ZNF574: variants seen among roughly 807,000 people sequenced by gnomAD.
The protein encoded by ZNF574 is zinc finger protein 574.
A neutral mutation model predicts 56.6 loss-of-function variants in ZNF574; 25 were observed. That is an observed-to-expected ratio of 0.44 (90% CI 0.32 to 0.62). The LOEUF is 0.62. Ranked by LOEUF, ZNF574 falls within the 20% of genes least tolerant of loss-of-function variation. The pLI, the probability that ZNF574 is intolerant of heterozygous loss-of-function variation, is 0.04. For missense variants in ZNF574, 1,065 were observed against 1,218.9 expected (o/e 0.87, Z 1.88); for synonymous variants, 543 against 492.1 (o/e 1.10, Z -1.37).
At chr19:42,075,479 A>G (rs1315934815), upstream of ZNF574, among the ~76,000 whole-genome samples, 1 of 151,904 alleles carries the variant, frequency 6.6e-6, no homozygotes, top group African/African-American at 2.4e-5. Context: ...TGCTTCCCCT[A>G]TGACATTTCT....
At chr19:42,068,709 G>A (rs1471296931) in exon 1 of ZNF574, 1 of 492,146 alleles carries the variant, frequency 2.0e-6, no homozygotes, top group East Asian at 3.4e-5. Context: ...TCTAAACAGA[G>A]ACATGCCGAG....
At chr19:42,071,359 C>T (rs1281501748), upstream of ZNF574, among the ~76,000 whole-genome samples, 2 of 152,062 alleles carry the variant, frequency 1.3e-5, no homozygotes, top group Non-Finnish European at 2.9e-5. Context: ...CCGTGACTCA[C>T]CACCACCCCC....
In ZNF574 at chr19:42,079,959, T is replaced by C; in HGVS notation, c.1353T>C (p.Pro451=). The change falls in exon 2 of 2, where the codon CCT becomes CCC. Residue 451 remains proline, a synonymous_variant. Transcript: ENST00000359044. The surrounding 1 kb of genome is among the most constrained non-coding windows in gnomAD (Gnocchi z 4.3). ...GAGAGCCAGAGGCCCCTGAGCCCCC[T>C]GTGTCTGAGGAGACCTCAGCAGGGC... The part of the protein sequence containing the change: ...ETGEPEAPEP[P]VSEETSAGPA... 2.5e-6 allele frequency: 4 copies of C among 1,613,826 alleles called. No individual in the cohort carries two copies. The highest frequency in any genetic ancestry group is 3.4e-6 in the Non-Finnish European group (4 of 1,180,010).
In ZNF574 at chr19:42,079,647, C is replaced by G; in HGVS notation, c.1041C>G (p.Ser347Arg). The change falls in exon 2 of 2, where the codon AGC (serine) becomes AGG (arginine). Residue 347 changes from serine to arginine, a missense_variant. Ser to Arg is a moderately radical substitution (Grantham distance 110, BLOSUM62 -1). Transcript: ENST00000359044. The surrounding 1 kb of genome is among the most constrained non-coding windows in gnomAD (Gnocchi z 4.3). ...KCPLCSRVFP[S>R]PSSLDQHLGD... ...CCCTGTGCAGTCGTGTCTTCCCTAG[C>G]CCTTCCAGTCTGGACCAGCACCTTG... 1 of 1,614,068 alleles carries G rather than the reference C, an allele frequency of 6.2e-7. No homozygotes were observed. The highest frequency in any genetic ancestry group is 8.5e-7 in the Non-Finnish European group (1 of 1,180,004).
intron 1 of ZNF574, among the ~76,000 whole-genome samples, chr19:42,069,658 G>C (rs1008019441): frequency 6.7e-6 from 1 of 149,356 alleles, no homozygotes; most frequent in Non-Finnish European, 1.5e-5. Context: ...GGCCTGGGGG[G>C]GCCACAGGGG....
chr19:42,075,540 G>A (rs2076449292), upstream of ZNF574, among the ~76,000 whole-genome samples: 1 of 152,038 alleles, frequency 6.6e-6, no homozygotes, highest in Admixed American at 6.6e-5. Context: ...GTTTCTTCCT[G>A]TTGCCTTCAT....
intron 1 of ZNF574, chr19:42,071,023 T>A (rs1020907674): frequency 1.3e-5 from 2 of 152,280 alleles, no homozygotes; most frequent in African/African-American, 4.8e-5. Flanking sequence ...GTGGTGAGTA[T>A]GAGAATTCCC....
Position 42,080,162 on chromosome 19 carries a change from G to C in ZNF574, c.1556G>C (p.Gly519Ala), listed in dbSNP as rs1259884241. ...CGTAACCACCTGCGCACACACACAG[G>C]GGAGCGGCCCTTCCCCTGCCCTGAC... ...HVRNHLRTHT[G>A]ERPFPCPDCS... Residue 519 changes from glycine to alanine, a missense_variant, in exon 2 of 2, where the codon GGG becomes GCG. Transcript: ENST00000359044. This position sits in a 1 kb window ranked among gnomAD's most constrained non-coding sequence, Gnocchi z 8.5. 1 of 1,614,008 alleles carries C rather than the reference G, an allele frequency of 6.2e-7. No homozygotes were observed. The highest frequency in any genetic ancestry group is 8.5e-7 in the Non-Finnish European group (1 of 1,180,038).
chr19:42,071,395 T>C (rs1222401701), upstream of ZNF574, among the ~76,000 whole-genome samples: 1 of 152,054 alleles, frequency 6.6e-6, no homozygotes, highest in Non-Finnish European at 1.5e-5. Flanking sequence ...GAGGAGACAC[T>C]GACACACTCA....
chr19:42,078,827 G>A lies in ZNF574; in HGVS notation c.221G>A (p.Ser74Asn). Residue 74 changes from serine to asparagine, a missense_variant, in exon 2 of 2, where the codon AGC becomes AAC. By Grantham distance (46) the Ser-to-Asn change is conservative. Transcript: ENST00000359044. ...TGLYQTLVQE[S>N]QYQCLECGQL... ...CTCTATCAGACCCTTGTGCAGGAGA[G>A]CCAGTACCAGTGCCTGGAGTGTGGT... 6.2e-7 allele frequency: 1 copy of A among 1,614,086 alleles called. No individual in the cohort carries two copies. The highest frequency in any genetic ancestry group is 1.1e-5 in the South Asian group (1 of 91,082).
rs150085337 is a variant in ZNF574, at chr19:42,079,287, G to T, written c.681G>T (p.Ala227=). The T allele has an allele frequency of 6.2e-7, 1 of 1,613,950 alleles. No homozygotes were observed. The highest frequency in any genetic ancestry group is 1.7e-5 in the Admixed American group (1 of 60,014). ...SECSQLFQLP[A]DFLEHQATHF... is the part of the protein sequence containing the mutation. ...GCTCCCAGCTCTTCCAGCTGCCGGCGGATTTCCTGGAGCACCAGGCCACTC... is the reference window on the plus strand; with the variant it reads ...GCTCCCAGCTCTTCCAGCTGCCGGCTGATTTCCTGGAGCACCAGGCCACTC... The change falls in exon 2 of 2, where the codon GCG becomes GCT. Residue 227 remains alanine (A), a synonymous_variant. Coordinates refer to ENST00000359044, the MANE Select transcript of ZNF574 (RefSeq NM_022752.6). The surrounding 1 kb of genome is among the most constrained non-coding windows in gnomAD (Gnocchi z 4.3).
chr19:42,069,618 AG>A (rs1243406053), intron 1 of ZNF574: 1 of 140,152 alleles, frequency 7.1e-6, no homozygotes, highest in Non-Finnish European at 1.5e-5. Flanking sequence ...GGCCCAGGAA[AG>A]GGCCCCCGCC....
upstream of ZNF574, among the ~76,000 whole-genome samples, chr19:42,073,523 T>TA (rs1285796547): frequency 0.1 from 10,681 of 102,636 alleles, 478 homozygotes; most frequent in African/African-American, 0.14. Context: ...CCTATCTCTA[T>TA]AAAAAAAAAA....
chr19:42,076,644 G>A (rs894944939), intron 1 of ZNF574, among the ~76,000 whole-genome samples: 7 of 152,338 alleles, frequency 4.6e-5, no homozygotes, highest in Non-Finnish European at 8.8e-5. Context: ...AGTCCAGGAC[G>A]AAGGGGCTGG....
At position 42,081,375 on chromosome 19, in the gene ZNF574, T is replaced by TA; in HGVS notation, c.*79dup. On this transcript the variant is annotated 3_prime_UTR_variant, in exon 2 of 2. Transcript: ENST00000359044. The stretch of plus-strand genomic sequence containing the variant: ...CAGCATCCCCTTAAGCATCTGTACA[T>TA]ACTGTGTCCCTTCCTCTTCCCATCC... The TA allele has an allele frequency of 1.3e-6, 2 of 1,554,788 alleles. No homozygotes were observed. Among genetic ancestry groups the TA allele is most frequent in the South Asian group, 2.2e-5 (2 of 89,300 alleles).
chr19:42,079,341 G>C lies in ZNF574; in HGVS notation c.735G>C (p.Gln245His), dbSNP rs11668239. 1.7e-5 allele frequency: 27 copies of C among 1,613,440 alleles called. No homozygotes were observed. Among genetic ancestry groups the C allele is most frequent in the Non-Finnish European group, 2.2e-5 (26 of 1,179,672 alleles). ...TCCCTGCTCCTGTACCCGAGTCTCA[G>C]GAGCCTGCCTTACAGCAGGAGGTGC... ...THFPAPVPES[Q>H]EPALQQEVQA... The change falls in exon 2 of 2, where the codon CAG becomes CAC. Residue 245 changes from glutamine (Q) to histidine (H), a missense_variant. Physicochemically the swap from Gln to His is conservative, Grantham distance 24 (BLOSUM62 0). Coordinates refer to ENST00000359044, the MANE Select transcript of ZNF574 (RefSeq NM_022752.6). The surrounding 1 kb of genome is among the most constrained non-coding windows in gnomAD (Gnocchi z 4.3).
rs1361968713 is a variant in ZNF574, at chr19:42,079,965, T to C, written c.1359T>C (p.Ser453=). The change falls in exon 2 of 2, where the codon TCT becomes TCC. Residue 453 remains serine, a synonymous_variant. Coordinates refer to ENST00000359044, the MANE Select transcript of ZNF574 (RefSeq NM_022752.6). The surrounding 1 kb of genome is among the most constrained non-coding windows in gnomAD (Gnocchi z 4.3). ...CAGAGGCCCCTGAGCCCCCTGTGTC[T>C]GAGGAGACCTCAGCAGGGCCCGCTG... ...GEPEAPEPPV[S]EETSAGPAAP... is the part of the protein sequence containing the mutation. 2.5e-6 allele frequency: 4 copies of C among 1,613,754 alleles called. No homozygotes were observed. In the African/African-American group the frequency reaches 4.0e-5, roughly 16 times the overall value.
chr19:42,071,737 C>T (rs1027432031), upstream of ZNF574, among the ~76,000 whole-genome samples: 2 of 152,150 alleles, frequency 1.3e-5, no homozygotes, highest in South Asian at 2.1e-4. Flanking sequence ...AGGGCGGTGG[C>T]TCATTCCTGT....
chr19:42,080,115 G>A lies in ZNF574; in HGVS notation c.1509G>A (p.Met503Ile), dbSNP rs752024559. The change falls in exon 2 of 2, where the codon ATG (methionine) becomes ATA (isoleucine). Residue 503 changes from methionine (M) to isoleucine (I), a missense_variant. Coordinates refer to ENST00000359044, the MANE Select transcript of ZNF574 (RefSeq NM_022752.6). This position sits in a 1 kb window ranked among gnomAD's most constrained non-coding sequence, Gnocchi z 8.5. ...RRHKCSICGK[M>I]FKKKSHVRNH... ...ATAAATGCAGCATTTGTGGCAAGAT[G>A]TTCAAGAAGAAGTCTCACGTGCGTA... 1 of 1,614,160 alleles carries A rather than the reference G, an allele frequency of 6.2e-7. No homozygotes were observed.
Sources: allele counts gnomAD v4.1 joint callset (sites outside exome capture counted in the v4.1 genomes callset), GRCh38; gene constraint gnomAD v4.1.1; non-coding constraint Gnocchi (gnomAD v3.1); transcripts MANE v1.5; gene names NCBI Gene and HGNC (gene_info 2026-07-23, HGNC 2026-07-21).